TMEM232: variants seen among roughly 807,000 people sequenced by gnomAD.
TMEM232 encodes the protein transmembrane protein 232.
Under a neutral mutation model 78.8 loss-of-function variants are expected in TMEM232, and 80 were observed. That is an observed-to-expected ratio of 1.01 (90% confidence interval 0.85 to 1.22). TMEM232 has a LOEUF of 1.22. Ranked by LOEUF, TMEM232 falls within the 50% of genes most tolerant of loss-of-function variation. The pLI, the probability that TMEM232 is intolerant of heterozygous loss-of-function variation, is 0.00. For missense variants in TMEM232, 881 were observed against 742.2 expected (o/e 1.19, Z -2.17); for synonymous variants, 297 against 254.3 (o/e 1.17, Z -1.60).
chr5:110,705,586 C>T (rs1024346726), intron 1 of TMEM232, among the ~76,000 whole-genome samples: 6 of 151,760 alleles, frequency 4.0e-5, no homozygotes, highest in African/African-American at 1.2e-4. Context: ...ACCTCTAAAA[C>T]ATGACCAACC....
intron 12 of TMEM232, among the ~76,000 whole-genome samples, chr5:110,436,644 G>A (rs1758468915): frequency 6.6e-6 from 1 of 152,056 alleles, no homozygotes; most frequent in Admixed American, 6.6e-5. Flanking sequence ...TAAGGCAAGA[G>A]ATAGGGATCA....
intron 3 of TMEM232, 51 bp from the exon 4 acceptor site, chr5:110,641,047 A>G: frequency 2.6e-6 from 3 of 1,143,024 alleles, no homozygotes; most frequent in South Asian, 1.9e-5. Flanking sequence ...ATATTTTTAT[A>G]TATATATTTA....
At chr5:110,486,607 C>CA (rs1271296085) in intron 12 of TMEM232, among the ~76,000 whole-genome samples, 1 of 152,012 alleles carries the variant, frequency 6.6e-6, no homozygotes, top group Non-Finnish European at 1.5e-5. Context: ...TTTGCTTTGT[C>CA]AAAGATCAGT....
chr5:110,409,520 T>G (rs1288741675), intron 2 of TMEM232, among the ~76,000 whole-genome samples: 1 of 152,182 alleles, frequency 6.6e-6, no homozygotes, highest in Non-Finnish European at 1.5e-5. Context: ...CATTGGAAAA[T>G]GATATATCTC....
At chr5:110,636,059 T>C (rs920591503) in intron 5 of TMEM232, among the ~76,000 whole-genome samples, 2 of 152,000 alleles carry the variant, frequency 1.3e-5, no homozygotes, top group Non-Finnish European at 2.9e-5. Context: ...GTGGTGTATA[T>C]ACACAATGCA....
At chr5:110,706,559 G>A (rs540235404) in intron 1 of TMEM232, among the ~76,000 whole-genome samples, 21 of 152,226 alleles carry the variant, frequency 1.4e-4, no homozygotes, top group Admixed American at 3.9e-4. Flanking sequence ...GTCTTCTAAT[G>A]CCCATTTTGC....
In TMEM232 at chr5:110,732,826, T is replaced by G. The variant is rs146631606; in HGVS notation, c.-13+2077A>C. On this transcript the variant is annotated intron_variant, in intron 2 of 4. Coordinates refer to the TMEM232 transcript ENST00000512886. The stretch of plus-strand genomic sequence containing the variant: ...AATGGAACAGTATCTGAAATTTTTA[T>G]TTGTCAAAAAGAGAAAGGAAAGCTA... Among the ~76,000 whole-genome samples the G allele has an allele frequency of 4.1e-3, 621 of 152,278 alleles. 5 individuals carry two copies. Among genetic ancestry groups the G allele is most frequent in the African/African-American group, 0.014 (600 of 41,556 alleles).
chr5:110,658,996 C>T lies in TMEM232; in HGVS notation c.125+8232G>A, dbSNP rs557562048. On this transcript the variant is annotated intron_variant, in intron 2 of 13. Transcript: ENST00000455884. ...GGACAACCCTTCTTGGGGAAGAGCT[C>T]ACCTGAAATGTAAGGGCAACAATAC... is the stretch of plus-strand genomic sequence containing the variant. Among the ~76,000 whole-genome samples, 10 of 152,170 alleles carry T rather than the reference C, an allele frequency of 6.6e-5. No individual in the cohort carries two copies. In the East Asian group the frequency reaches 1.9e-3, roughly 30 times the overall value.
At chr5:110,591,212 C>T (rs899994698) in intron 10 of TMEM232, among the ~76,000 whole-genome samples, 1 of 152,112 alleles carries the variant, frequency 6.6e-6, no homozygotes, top group Non-Finnish European at 1.5e-5. Flanking sequence ...AATCTCAGTA[C>T]TCTGAGAGGC....
intron 1 of TMEM232, among the ~76,000 whole-genome samples, chr5:110,735,253 G>A (rs1356181968): frequency 6.6e-6 from 1 of 152,192 alleles, no homozygotes; most frequent in Non-Finnish European, 1.5e-5. Flanking sequence ...TAGGACCATA[G>A]CATTCTGTGC....
intron 12 of TMEM232, among the ~76,000 whole-genome samples, chr5:110,507,401 C>T (rs915407448): frequency 1.3e-5 from 2 of 152,182 alleles, no homozygotes; most frequent in Admixed American, 1.3e-4. Context: ...TCCACAACTA[C>T]TCTACCTCCA....
chr5:110,673,556 T>A (rs937511289), intron 1 of TMEM232, among the ~76,000 whole-genome samples: 8 of 152,168 alleles, frequency 5.3e-5, no homozygotes, highest in African/African-American at 1.9e-4. Context: ...TAGGAAAAAC[T>A]GATGTAAAAA....
chr5:110,704,344 T>C (rs1795715796), intron 1 of TMEM232, among the ~76,000 whole-genome samples: 1 of 152,036 alleles, frequency 6.6e-6, no homozygotes, highest in African/African-American at 2.4e-5. Context: ...TAAAGAAAAC[T>C]CCAACACCTG....
intron 11 of TMEM232, among the ~76,000 whole-genome samples, chr5:110,536,042 A>C (rs1009188566): frequency 1.2e-4 from 18 of 152,314 alleles, no homozygotes; most frequent in East Asian, 1.9e-4. Context: ...CTTTACTTGC[A>C]TAGGATTTGG....
At chr5:110,471,099 TA>T (rs969029120) in intron 12 of TMEM232, among the ~76,000 whole-genome samples, 1 of 151,608 alleles carries the variant, frequency 6.6e-6, no homozygotes, top group Non-Finnish European at 1.5e-5. Flanking sequence ...ATGAATAAAA[TA>T]AAAAAGTACA....
chr5:110,605,545 G>A (rs1260231636), intron 9 of TMEM232, among the ~76,000 whole-genome samples, 187 bp from the exon 10 acceptor site: 4 of 152,070 alleles, frequency 2.6e-5, no homozygotes, highest in Admixed American at 2.0e-4. Context: ...AATATAGATA[G>A]CTAATAATTA....
At chr5:110,511,377 G>T (rs2149471808) in intron 12 of TMEM232, among the ~76,000 whole-genome samples, 1 of 151,734 alleles carries the variant, frequency 6.6e-6, no homozygotes, top group Middle Eastern at 3.4e-3. Flanking sequence ...AACCACCATG[G>T]CACATGTATA....
chr5:110,648,461 G>A (rs1242600646), intron 2 of TMEM232, among the ~76,000 whole-genome samples: 1 of 152,034 alleles, frequency 6.6e-6, no homozygotes, highest in African/African-American at 2.4e-5. Context: ...AATGGTCACA[G>A]CAACGTTTTT....
chr5:110,424,984 G>GT, intron 12 of TMEM232, 68 bp from the exon 13 acceptor site: 1 of 1,064,454 alleles, frequency 9.4e-7, no homozygotes. Flanking sequence ...AAATAGAATT[G>GT]TAACTAAGCC....
Sources: gnomAD v4.1 joint callset for allele counts (sites outside exome capture counted in the v4.1 genomes callset) on GRCh38, gnomAD v4.1.1 for gene constraint, MANE v1.5 for transcripts, NCBI Gene and HGNC (gene_info 2026-07-23, HGNC 2026-07-21) for gene names.